The following MRTFA variants were observed in gnomAD, a reference collection of about 807,000 sequenced individuals.
MRTFA encodes myocardin-related transcription factor A.
MRTFA carries 20 observed loss-of-function variants against 83.5 expected under a neutral mutation model. The observed-to-expected ratio is 0.24, with a 90% confidence interval of 0.17 to 0.35. MRTFA has a LOEUF of 0.35. Ranked by LOEUF, MRTFA falls within the 10% of genes least tolerant of loss-of-function variation. The pLI is 1.00. For missense variants in MRTFA, 1,200 were observed against 1,224.7 expected (o/e 0.98, Z 0.30); for synonymous variants, 659 against 541.2 (o/e 1.22, Z -3.02).
Position 40,429,516 on chromosome 22 carries a change from G to A in MRTFA, c.601+90C>T. On this transcript the variant is annotated intron_variant, in intron 7 of 14. Transcript: ENST00000355630. ...AGGAAGTCAAAGATTAAGAAGTCAA[G>A]AGCCTCAGCCCAATTCTGCTTCAGC... The A allele has an allele frequency of 2.7e-6, 4 of 1,478,700 alleles. No homozygotes were observed. In the South Asian group the frequency reaches 4.7e-5, roughly 17 times the overall value. 91.6% of individuals were successfully genotyped at this position (1,478,700 alleles called of 1,614,324 possible). A position where few individuals can be genotyped will look rare whatever the true frequency, so the allele number is the denominator to read the frequency against.
chr22:40,459,499 C>A (rs1311753042), intron 4 of MRTFA, among the ~76,000 whole-genome samples: 1 of 151,758 alleles, frequency 6.6e-6, no homozygotes, highest in Non-Finnish European at 1.5e-5. Context: ...ATTTCTATTC[C>A]CACAGGAAAG....
intron 4 of MRTFA, among the ~76,000 whole-genome samples, chr22:40,462,645 T>C (rs1341100901): frequency 1.3e-5 from 2 of 152,170 alleles, no homozygotes; most frequent in African/African-American, 4.8e-5. Context: ...AAGGTTTGGT[T>C]TCATTTTTCC....
chr22:40,619,980 GAC>G (rs2056501725), intron 1 of MRTFA, among the ~76,000 whole-genome samples: 1 of 151,342 alleles, frequency 6.6e-6, no homozygotes, highest in African/African-American at 2.4e-5. Flanking sequence ...TATTTTTGGA[GAC>G]AGAGTCTCAC....
chr22:40,582,471 A>G (rs2055961244), intron 2 of MRTFA, among the ~76,000 whole-genome samples: 1 of 152,196 alleles, frequency 6.6e-6, no homozygotes. Flanking sequence ...ATTCTACGTT[A>G]TGCTATCTGA....
chr22:40,539,941 A>G (rs909013723), intron 3 of MRTFA, among the ~76,000 whole-genome samples: 11 of 120,744 alleles, frequency 9.1e-5, no homozygotes, highest in African/African-American at 3.0e-4. Flanking sequence ...ACAGGGTCTC[A>G]CTCTGTTGCC....
chr22:40,411,952 T>A (rs767822567), intron 14 of MRTFA, 45 bp from the exon 15 acceptor site: 3 of 1,415,326 alleles, frequency 2.1e-6, no homozygotes, highest in African/African-American at 1.4e-5. Context: ...AAGCCAAGCC[T>A]GTATATCTAC....
chr22:40,633,575 T>C (rs193249230), intron 1 of MRTFA, among the ~76,000 whole-genome samples: 128 of 152,324 alleles, frequency 8.4e-4, no homozygotes, highest in Non-Finnish European at 1.4e-3. Context: ...GTGCTTCATA[T>C]GGAATCTGTA....
In MRTFA at chr22:40,550,065, A is replaced by T. The variant is rs545106316; in HGVS notation, c.241+2041T>A. Among the ~76,000 whole-genome samples the T allele has an allele frequency of 5.1e-4, 77 of 151,070 alleles. 1 individual carries two copies. In the East Asian group the frequency reaches 0.014, roughly 27 times the overall value. ...CTCTGTTGCAAAAAAAAAAAAAAAA[A>T]AAATTAAATTTAAAGATGAGATTGA... is the stretch of plus-strand genomic sequence containing the variant. On this transcript the variant is annotated intron_variant, in intron 3 of 14. Coordinates refer to ENST00000355630, the MANE Select transcript of MRTFA (RefSeq NM_020831.6).
intron 3 of MRTFA, among the ~76,000 whole-genome samples, chr22:40,492,532 A>G (rs2054288114): frequency 6.6e-6 from 1 of 152,200 alleles, no homozygotes; most frequent in Non-Finnish European, 1.5e-5. Flanking sequence ...CCAAAATAGT[A>G]AACAGTTGGT....
chr22:40,594,887 T>TA (rs776075354), intron 1 of MRTFA, among the ~76,000 whole-genome samples, 152 bp from the exon 2 acceptor site: 5,372 of 104,850 alleles, frequency 0.051, 327 homozygotes, highest in Middle Eastern at 0.15. Context: ...TGTCACTGGT[T>TA]AAAAAAAAAA....
intron 3 of MRTFA, among the ~76,000 whole-genome samples, chr22:40,490,598 CAA>C (rs35001108): frequency 7.8e-5 from 10 of 128,730 alleles, no homozygotes; most frequent in Admixed American, 1.5e-4. Context: ...GATTCCATCT[CAA>C]AAAAAAAAAA....
chr22:40,468,785 CT>C (rs976975051), intron 3 of MRTFA, among the ~76,000 whole-genome samples: 11 of 152,140 alleles, frequency 7.2e-5, no homozygotes, highest in African/African-American at 2.7e-4. Flanking sequence ...TCTCAAAAAT[CT>C]TTTCTCTTCC....
At chr22:40,543,129 T>C (rs1225831499) in intron 3 of MRTFA, among the ~76,000 whole-genome samples, 1 of 152,168 alleles carries the variant, frequency 6.6e-6, no homozygotes, top group East Asian at 1.9e-4. Context: ...ATGCCTAAGA[T>C]TGGAGGATTT....
chr22:40,627,418 T>C (rs2147445971), intron 1 of MRTFA, among the ~76,000 whole-genome samples: 1 of 152,304 alleles, frequency 6.6e-6, no homozygotes, highest in Middle Eastern at 3.4e-3. Context: ...CTGGCCCTTA[T>C]TTGGCAAGTA....
intron 9 of MRTFA, among the ~76,000 whole-genome samples, chr22:40,422,037 C>A (rs2052850949): frequency 6.6e-6 from 1 of 152,182 alleles, no homozygotes; most frequent in Non-Finnish European, 1.5e-5. Flanking sequence ...AAGGGCAGGG[C>A]TGCCGGGGCT....
intron 4 of MRTFA, among the ~76,000 whole-genome samples, chr22:40,455,645 CA>C (rs55723146): frequency 0.54 from 41,958 of 77,578 alleles, 9,907 homozygotes; most frequent in African/African-American, 0.75. Context: ...GATGCAGTCT[CA>C]AAAAAAAAAA....
intron 7 of MRTFA, among the ~76,000 whole-genome samples, chr22:40,429,053 C>T (rs373155203): frequency 9.8e-5 from 15 of 152,320 alleles, no homozygotes; most frequent in African/African-American, 3.1e-4. Context: ...TCCAGCACAG[C>T]TTCTCTATCC....
rs753165258 is a variant in MRTFA, at chr22:40,418,744, G to A, written c.1994C>T (p.Ala665Val). 2 of 477,432 alleles carry A rather than the reference G, an allele frequency of 4.2e-6. No individual in the cohort carries two copies. The highest frequency in any genetic ancestry group is 1.7e-5 in the South Asian group (1 of 58,022). 29.6% of individuals were successfully genotyped at this position (477,432 alleles called of 1,614,324 possible). A position where few individuals can be genotyped will look rare whatever the true frequency, so the allele number is the denominator to read the frequency against. The change falls in exon 12 of 15, where the codon GCC (alanine) becomes GTC (valine). Residue 665 changes from alanine (A) to valine (V), a missense_variant. Physicochemically the swap from Ala to Val is moderately conservative, Grantham distance 64. This residue lies in a region of MRTFA where 1,107 missense variants were observed against 1,041.8 expected (regional missense o/e 1.06). Coordinates refer to ENST00000355630, the MANE Select transcript of MRTFA (RefSeq NM_020831.6). ...GGTGCCGAGGGGGGCGGGGGCGGGGGCGGGCTGCTGGGCTCGCTTCTCCTG... is the reference window on the plus strand; with the variant it reads ...GGTGCCGAGGGGGGCGGGGGCGGGGACGGGCTGCTGGGCTCGCTTCTCCTG...
At chr22:40,581,605 T>C (rs920272507) in intron 2 of MRTFA, among the ~76,000 whole-genome samples, 2 of 152,194 alleles carry the variant, frequency 1.3e-5, no homozygotes, top group African/African-American at 4.8e-5. Context: ...GGCTTTCCCT[T>C]CTGTAATATT....
Sources: gnomAD v4.1 joint callset for allele counts (sites outside exome capture counted in the v4.1 genomes callset) on GRCh38, gnomAD v4.1.1 for gene constraint, gnomAD v4.1.1 regional missense constraint, MANE v1.5 for transcripts, NCBI Gene and HGNC (gene_info 2026-07-23, HGNC 2026-07-21) for gene names.